EEPD1: variants seen among roughly 807,000 people sequenced by gnomAD.
The protein encoded by EEPD1 is endonuclease/exonuclease/phosphatase family domain-containing protein 1.
In EEPD1, 17 loss-of-function variants were observed where a neutral mutation model predicts 46.3. The ratio of observed to expected loss-of-function variants is 0.37; its 90% CI spans 0.25 to 0.55. The LOEUF (loss-of-function observed/expected upper bound fraction) is 0.55, where lower values mean the gene tolerates loss of function less well. EEPD1 is among the 20% of genes least tolerant of loss of function. The probability of loss-of-function intolerance (pLI) is 0.83; values close to 1 mark genes in which losing one functional copy is unlikely to be tolerated. For missense variants in EEPD1, 673 were observed against 745.6 expected (o/e 0.90, Z 1.13); for synonymous variants, 313 against 315.6 (o/e 0.99, Z 0.09).
intron 3 of EEPD1, among the ~76,000 whole-genome samples, chr7:36,273,142 A>ACACACACACACACT (rs1554321181): frequency 6.6e-6 from 1 of 151,570 alleles, no homozygotes; most frequent in Non-Finnish European, 1.5e-5. Flanking sequence ...ACACACACAC[A>ACACACACACACACT]CACACACACA....
intron 2 of EEPD1, among the ~76,000 whole-genome samples, chr7:36,185,083 A>G (rs1785342694): frequency 6.6e-6 from 1 of 152,172 alleles, no homozygotes; most frequent in Admixed American, 6.5e-5. Flanking sequence ...CTGCCTCCCA[A>G]CACCATTACT....
At chr7:36,249,510 C>A (rs1480195493) in intron 3 of EEPD1, among the ~76,000 whole-genome samples, 1 of 152,102 alleles carries the variant, frequency 6.6e-6, no homozygotes, top group Non-Finnish European at 1.5e-5. Context: ...CAGTTCAGTG[C>A]TATGTAGGAA....
chr7:36,204,031 T>G (rs886249979), intron 2 of EEPD1, among the ~76,000 whole-genome samples: 12 of 151,378 alleles, frequency 7.9e-5, no homozygotes, highest in Non-Finnish European at 1.5e-4. Context: ...CTTTCTTTTT[T>G]CTTTTTCTTT....
chr7:36,287,682 C>G lies in EEPD1; in HGVS notation c.1220C>G (p.Ala407Gly), dbSNP rs769493223. Reference protein sequence around the residue: ...DLTLVNLHLAALTLLGSENPS... With the variant: ...DLTLVNLHLAGLTLLGSENPS... Reference sequence around the variant, plus strand: ...ACCCTTGTTAACCTTCACCTGGCAGCCCTGACCCTCCTGGGGAGCGAGAAT... The same window carrying G: ...ACCCTTGTTAACCTTCACCTGGCAGGCCTGACCCTCCTGGGGAGCGAGAAT... Residue 407 changes from alanine to glycine, a missense_variant, in exon 6 of 8, where the codon GCC becomes GGC. Ala to Gly is a moderately conservative substitution (Grantham distance 60). Coordinates refer to ENST00000242108, the MANE Select transcript of EEPD1 (RefSeq NM_030636.3). The G allele has an allele frequency of 6.2e-7, 1 of 1,614,176 alleles. No homozygotes were observed. Among genetic ancestry groups the G allele is most frequent in the Admixed American group, 1.7e-5 (1 of 60,034 alleles).
At chr7:36,187,463 C>A (rs1233366422) in intron 2 of EEPD1, among the ~76,000 whole-genome samples, 1 of 152,118 alleles carries the variant, frequency 6.6e-6, no homozygotes, top group Non-Finnish European at 1.5e-5. Context: ...TGAATTTGAC[C>A]ACTCTACATG....
rs554393448 is a variant in EEPD1 at position 36,153,501 on chromosome 7, AG to A, written c.-365del. 6.6e-6 allele frequency: 1 copy of A among 152,348 alleles called. No individual in the cohort carries two copies. Among genetic ancestry groups the A allele is most frequent in the Admixed American group, 6.5e-5 (1 of 15,300 alleles). The allele number at this position is 152,348 out of a possible 1,614,324, so 9.4% of individuals were successfully genotyped here. On this transcript the variant is annotated 5_prime_UTR_variant, in exon 1 of 8. It removes the in-frame stop codon of an upstream open reading frame in the 5' UTR. Coordinates refer to ENST00000242108, the MANE Select transcript of EEPD1 (RefSeq NM_030636.3). Reference sequence around the variant, plus strand: ...GCGATGCTAAGTTTCTCCCATAGAAAGAGCCGGGACACGCAGACCGAAGCGG... The same window carrying A: ...GCGATGCTAAGTTTCTCCCATAGAAAAGCCGGGACACGCAGACCGAAGCGG...
At chr7:36,186,918 A>G (rs1451028437) in intron 2 of EEPD1, among the ~76,000 whole-genome samples, 2 of 152,260 alleles carry the variant, frequency 1.3e-5, no homozygotes, top group African/African-American at 4.8e-5. Context: ...TACGATTGTA[A>G]ATATGGGAAT....
At chr7:36,196,559 G>A (rs1394234364) in intron 2 of EEPD1, among the ~76,000 whole-genome samples, 2 of 152,206 alleles carry the variant, frequency 1.3e-5, no homozygotes, top group Non-Finnish European at 2.9e-5. Context: ...TTGCAGGCGC[G>A]CGCCGCCACG....
chr7:36,169,366 G>A (rs1441201133), intron 2 of EEPD1, among the ~76,000 whole-genome samples: 1 of 152,174 alleles, frequency 6.6e-6, no homozygotes, highest in African/African-American at 2.4e-5. Context: ...TGTATGAGGG[G>A]CTATTTCTCT....
intron 2 of EEPD1, among the ~76,000 whole-genome samples, chr7:36,209,127 T>C (rs1785876684): frequency 6.6e-6 from 1 of 152,156 alleles, no homozygotes; most frequent in African/African-American, 2.4e-5. Flanking sequence ...CATTAAGCAA[T>C]GTATGTTAAA....
chr7:36,289,640 G>C (rs997526917), intron 6 of EEPD1, among the ~76,000 whole-genome samples: 1 of 152,170 alleles, frequency 6.6e-6, no homozygotes, highest in East Asian at 1.9e-4. Flanking sequence ...GACTATAGGC[G>C]CCCGCCACCG....
intron 2 of EEPD1, among the ~76,000 whole-genome samples, chr7:36,186,763 G>C (rs1196726552): frequency 2.0e-5 from 3 of 152,142 alleles, no homozygotes; most frequent in Non-Finnish European, 4.4e-5. Flanking sequence ...CTGCCACTAG[G>C]GTATATGCAA....
chr7:36,153,559 C>T lies in EEPD1; in HGVS notation c.-308C>T. The T allele has an allele frequency of 6.6e-6, 1 of 152,554 alleles. No homozygotes were observed. Among genetic ancestry groups the T allele is most frequent in the Non-Finnish European group, 1.5e-5 (1 of 68,238 alleles). The allele number at this position is 152,554 out of a possible 1,614,324, so 9.5% of individuals were successfully genotyped here. On this transcript the variant is annotated 5_prime_UTR_variant, in exon 1 of 8. Transcript: ENST00000242108. ...CGGCTTCCAGGGCCTGACCAGTGAC[C>T]CACACCCGCGCGGACGCCTAGGCTG... is the stretch of plus-strand genomic sequence containing the variant.
At chr7:36,238,747 A>T (rs1786501626) in intron 2 of EEPD1, among the ~76,000 whole-genome samples, 1 of 152,158 alleles carries the variant, frequency 6.6e-6, no homozygotes, top group Non-Finnish European at 1.5e-5. Context: ...TTCTTTTGGG[A>T]ATATACTTAA....
chr7:36,260,407 A>G (rs1283872267), intron 3 of EEPD1, among the ~76,000 whole-genome samples: 3 of 152,234 alleles, frequency 2.0e-5, no homozygotes, highest in Non-Finnish European at 4.4e-5. Flanking sequence ...ATGAAAATTC[A>G]GCAGTTAATC....
intron 2 of EEPD1, among the ~76,000 whole-genome samples, chr7:36,226,944 A>C (rs1583820181): frequency 6.6e-6 from 1 of 152,190 alleles, no homozygotes; most frequent in East Asian, 1.9e-4. Context: ...TGTGAACCTT[A>C]ATTAGAAAAA....
In EEPD1 at chr7:36,278,047, G is replaced by A. The variant is rs143058542; in HGVS notation, c.931-3068G>A. 2.8e-3 allele frequency among the ~76,000 whole-genome samples: 429 copies of A among 152,246 alleles called. 1 individual carries two copies. Among genetic ancestry groups the A allele is most frequent in the African/African-American group, 9.6e-3 (398 of 41,536 alleles). ...TTGAACCTATCAGAGTCATCTAGAG[G>A]GGCTGTTAAAATGCAGACTTCTAGG... On this transcript the variant is annotated intron_variant, in intron 3 of 7. Coordinates refer to ENST00000242108, the MANE Select transcript of EEPD1 (RefSeq NM_030636.3).
At chr7:36,277,515 G>T (rs1175831745) in intron 3 of EEPD1, among the ~76,000 whole-genome samples, 2 of 152,220 alleles carry the variant, frequency 1.3e-5, no homozygotes, top group Non-Finnish European at 2.9e-5. Context: ...GGGTGGGCCT[G>T]TGAGTTTGCA....
intron 2 of EEPD1, 43 bp from the exon 3 acceptor site, chr7:36,238,942 A>G: frequency 6.3e-7 from 1 of 1,584,228 alleles, no homozygotes; most frequent in East Asian, 2.3e-5. Context: ...GGTGACATGA[A>G]ATGATTTGTT....
Sources: gnomAD v4.1 joint callset for allele counts (sites outside exome capture counted in the v4.1 genomes callset) on GRCh38, gnomAD v4.1.1 for gene constraint, MANE v1.5 for transcripts, NCBI Gene and HGNC (gene_info 2026-07-23, HGNC 2026-07-21) for gene names.